MYH10: variants seen among roughly 807,000 people sequenced by gnomAD.
MYH10 encodes myosin heavy chain 10.
A neutral mutation model predicts 257.8 loss-of-function variants in MYH10; 55 were observed. That is an observed-to-expected ratio of 0.21 (90% CI 0.17 to 0.27). The LOEUF (loss-of-function observed/expected upper bound fraction) is 0.27. Among genes scored for constraint, MYH10 ranks in the 10% least tolerant of loss-of-function variants. MYH10 has a pLI of 1.00. For synonymous variants in MYH10, 854 were observed against 921.7 expected, an observed-to-expected ratio of 0.93 and a Z score of 1.33; for missense variants, 1,631 against 2,500.6, an observed-to-expected ratio of 0.65 and a Z score of 7.42.
chr17:8,510,903 A>G (rs370690788), intron 24 of MYH10, among the ~76,000 whole-genome samples: 3 of 151,882 alleles, frequency 2.0e-5, no homozygotes, highest in East Asian at 1.9e-4. Context: ...TATAATCTAC[A>G]TTACTGTTTA....
chr17:8,552,091 G>A lies in MYH10; in HGVS notation c.874C>T (p.His292Tyr), dbSNP rs761179915. ...VRQAKDERTF[H>Y]IFYQLLSGAG... is the part of the protein sequence containing the mutation. ...CCAGATAACAACTGGTAAAAGATATGAAAAGTACGTTCATCTTTTGCTTGA... is the reference window on the plus strand; with the variant it reads ...CCAGATAACAACTGGTAAAAGATATAAAAAGTACGTTCATCTTTTGCTTGA... Residue 292 changes from histidine (H) to tyrosine (Y), a missense_variant, in exon 9 of 43, where the codon CAT becomes TAT. Physicochemically the swap from His to Tyr is moderately conservative, Grantham distance 83. Coordinates refer to ENST00000360416, the MANE Select transcript of MYH10 (RefSeq NM_001256012.3). This position sits in a 1 kb window ranked among gnomAD's most constrained non-coding sequence, Gnocchi z 4.8. 1.3e-6 allele frequency: 2 copies of A among 1,563,512 alleles called. No homozygotes were observed. Among genetic ancestry groups the A allele is most frequent in the East Asian group, 2.3e-5 (1 of 43,704 alleles).
At chr17:8,549,846 G>A (rs1413071547) in intron 9 of MYH10, among the ~76,000 whole-genome samples, 3 of 150,422 alleles carry the variant, frequency 2.0e-5, no homozygotes, top group Non-Finnish European at 4.4e-5. Context: ...TTGAAAGCTC[G>A]CGCCGCCACG....
At chr17:8,592,725 C>A (rs1236268095) in intron 3 of MYH10, among the ~76,000 whole-genome samples, 1 of 133,896 alleles carries the variant, frequency 7.5e-6, no homozygotes, top group Non-Finnish European at 1.6e-5. Context: ...TAAATAACAC[C>A]AATTCTATAT....
chr17:8,532,271 AACG>A (rs1400301064), intron 16 of MYH10, among the ~76,000 whole-genome samples: 1 of 152,320 alleles, frequency 6.6e-6, no homozygotes. Context: ...ATGCACTCCC[AACG>A]GCATATCTCT....
chr17:8,487,052 A>G (rs1914936867), intron 36 of MYH10, among the ~76,000 whole-genome samples: 1 of 152,184 alleles, frequency 6.6e-6, no homozygotes, highest in Non-Finnish European at 1.5e-5. Flanking sequence ...TCATTGTGGT[A>G]ATGAAAACTG....
At chr17:8,554,222 C>A (rs1597813696) in intron 7 of MYH10, 2 of 335,290 alleles carry the variant, frequency 6.0e-6, no homozygotes, top group African/African-American at 4.3e-5. Context: ...TTTTCCTGGA[C>A]TATAACATAA....
At position 8,490,049 on chromosome 17, in the gene MYH10, C is replaced by T. The variant is rs1915524456; in HGVS notation, c.4884+291G>A. Among the ~76,000 whole-genome samples, 1 of 152,172 alleles carries T rather than the reference C, an allele frequency of 6.6e-6. No individual in the cohort carries two copies. The highest frequency in any genetic ancestry group is 1.5e-5 in the Non-Finnish European group (1 of 68,036). Reference sequence around the variant, plus strand: ...TCTTTCCTATACCCATGTTCTAAGACAAGGAACTTGAACCTAACCACGGAT... The same window carrying T: ...TCTTTCCTATACCCATGTTCTAAGATAAGGAACTTGAACCTAACCACGGAT... On this transcript the variant is annotated intron_variant, in intron 35 of 42. Transcript: ENST00000360416. The surrounding 1 kb of genome is among the most constrained non-coding windows in gnomAD (Gnocchi z 4.1).
intron 17 of MYH10, among the ~76,000 whole-genome samples, chr17:8,528,106 C>T (rs936639746): frequency 3.3e-5 from 5 of 152,186 alleles, no homozygotes; most frequent in East Asian, 1.9e-4. Flanking sequence ...TACACTCTTC[C>T]GGACCTGTCA....
rs144684222 is a variant in MYH10 at position 8,490,954 on chromosome 17, C to T, written c.4672-402G>A. On this transcript the variant is annotated intron_variant, in intron 34 of 42. Transcript: ENST00000360416. The surrounding 1 kb of genome is among the most constrained non-coding windows in gnomAD (Gnocchi z 4.1). ...TCTTCTTGCTGTAGAGAAGATCATT[C>T]GTATTGAAAAGCACATGTGGAAACT... 1.5e-4 allele frequency among the ~76,000 whole-genome samples: 23 copies of T among 152,312 alleles called. No individual in the cohort carries two copies. The East Asian group carries it at 1.5e-3, about 10-fold the overall frequency.
intron 7 of MYH10, among the ~76,000 whole-genome samples, chr17:8,557,275 C>T (rs2082835815): frequency 6.6e-6 from 1 of 152,046 alleles, no homozygotes; most frequent in East Asian, 1.9e-4. Context: ...ATATTATGAG[C>T]ATTCATTAAG....
At chr17:8,499,780 T>C (rs1055218136) in intron 29 of MYH10, among the ~76,000 whole-genome samples, 1 of 152,134 alleles carries the variant, frequency 6.6e-6, no homozygotes, top group African/African-American at 2.4e-5. Context: ...CTGTCCTCTG[T>C]ATAAAAAAGT....
At chr17:8,525,819 GTCTTGC>G (rs1297934196) in intron 17 of MYH10, among the ~76,000 whole-genome samples, 19 of 152,094 alleles carry the variant, frequency 1.2e-4, no homozygotes, top group African/African-American at 4.6e-4. Context: ...TTGAGATGGA[GTCTTGC>G]TCTGTCACCC....
At chr17:8,496,671 G>C (rs896410192) in intron 30 of MYH10, among the ~76,000 whole-genome samples, 2 of 152,208 alleles carry the variant, frequency 1.3e-5, no homozygotes, top group African/African-American at 4.8e-5. Context: ...TAGCTTTCCA[G>C]ATTGTGTGTG....
rs1245657373 is a variant in MYH10 at position 8,499,378 on chromosome 17, A to C, written c.3843T>G (p.Ser1281=). ...CGTCGAGCTTCTTCCTCTTGTGCTCAGACTCAGCCTTGACCTGCTGCAGGA... is the reference window on the plus strand; with the variant it reads ...CGTCGAGCTTCTTCCTCTTGTGCTCCGACTCAGCCTTGACCTGCTGCAGGA... ...VKVLQQVKAE[S]EHKRKKLDAQ... is the part of the protein sequence containing the mutation. Residue 1281 remains serine (S), a synonymous_variant, in exon 30 of 43, where the codon TCT becomes TCG. Coordinates refer to ENST00000360416, the MANE Select transcript of MYH10 (RefSeq NM_001256012.3). 2.5e-6 allele frequency: 4 copies of C among 1,614,180 alleles called. No homozygotes were observed. In the South Asian group the frequency reaches 4.4e-5, roughly 18 times the overall value.
chr17:8,511,745 C>G (rs542724157), intron 24 of MYH10, among the ~76,000 whole-genome samples: 2 of 152,176 alleles, frequency 1.3e-5, no homozygotes, highest in African/African-American at 4.8e-5. Context: ...AAGCCCCACA[C>G]AGAAGCATCA....
rs757650929 is a variant in MYH10 at position 8,518,886 on chromosome 17, G to A, written c.2338C>T (p.Arg780Ter). 1 of 1,609,258 alleles carries A rather than the reference G, an allele frequency of 6.2e-7. No individual in the cohort carries two copies. The highest frequency in any genetic ancestry group is 8.5e-7 in the Non-Finnish European group (1 of 1,177,484). ...GFMDGKQACE[R>*]MIRALELDPN... The stretch of plus-strand genomic sequence containing the variant: ...AAAGATCAAGAAAACCTTACCATTC[G>A]TTCACAGGCCTGTTTACCATCCATA... Residue 780 changes from arginine to a stop codon, truncating the protein, a stop_gained, in exon 20 of 43, where the codon CGA becomes TGA. Coordinates refer to ENST00000360416, the MANE Select transcript of MYH10 (RefSeq NM_001256012.3). LOFTEE classifies it high-confidence loss of function.
intron 6 of MYH10, among the ~76,000 whole-genome samples, chr17:8,575,021 G>A (rs1401950012): frequency 6.6e-6 from 1 of 152,176 alleles, no homozygotes; most frequent in Admixed American, 6.5e-5. Flanking sequence ...GCTTAACTAC[G>A]ATTAAAATCA....
In MYH10 at chr17:8,518,741, C is replaced by A. The variant is rs2081556500; in HGVS notation, c.2394G>T (p.Lys798Asn). 1 of 1,614,064 alleles carries A rather than the reference C, an allele frequency of 6.2e-7. No individual in the cohort carries two copies. Among genetic ancestry groups the A allele is most frequent in the Non-Finnish European group, 8.5e-7 (1 of 1,180,012 alleles). Reference protein sequence around the residue: ...DPNLYRIGQSKIFFRAGVLAH... With the variant: ...DPNLYRIGQSNIFFRAGVLAH... ...CCAGAACTCCAGCTCTGAAAAATAT[C>A]TTGCTCTGTCCAATTCTGTACAAGT... Residue 798 changes from lysine (K) to asparagine (N), a missense_variant, in exon 21 of 43, where the codon AAG (lysine) becomes AAT (asparagine). Physicochemically the swap from Lys to Asn is moderately conservative, Grantham distance 94. This residue lies in a region of MYH10 where 116 missense variants were observed against 221.6 expected (regional missense o/e 0.52). Coordinates refer to ENST00000360416, the MANE Select transcript of MYH10 (RefSeq NM_001256012.3).
In MYH10 at chr17:8,545,017, T is replaced by A. The variant is rs7212314; in HGVS notation, c.1431+431A>T. Among the ~76,000 whole-genome samples the A allele has an allele frequency of 0.96, 146,710 of 152,134 alleles. 70,976 individuals carry two copies. Among genetic ancestry groups the A allele is most frequent in the East Asian group, 1 (5,172 of 5,172 alleles). ...GTCTCTCGACCTGGCCCCATGCTCT[T>A]CTCCACGTCTCCAACTCCTCTCTCC... On this transcript the variant is annotated intron_variant, in intron 13 of 42. Transcript: ENST00000360416. The surrounding 1 kb of genome is among the most constrained non-coding windows in gnomAD (Gnocchi z 4.7).
Sources: gnomAD v4.1 joint callset for allele counts (sites outside exome capture counted in the v4.1 genomes callset) on GRCh38, gnomAD v4.1.1 for gene constraint, gnomAD v4.1.1 regional missense constraint, Gnocchi (gnomAD v3.1) non-coding constraint, MANE v1.5 for transcripts, NCBI Gene and HGNC (gene_info 2026-07-23, HGNC 2026-07-21) for gene names.